CSMD2: variants seen among roughly 807,000 people sequenced by gnomAD.
CSMD2 encodes the protein CUB and sushi domain-containing protein 2.
In CSMD2, 130 loss-of-function variants were observed where a neutral mutation model predicts 398.5. The observed-to-expected ratio is 0.33, with a 90% CI of 0.28 to 0.38. CSMD2 has a LOEUF of 0.38. Among genes scored for constraint, CSMD2 ranks in the 10% least tolerant of loss-of-function variants. The pLI, the probability that CSMD2 is intolerant of heterozygous loss-of-function variation, is 1.00. For synonymous variants in CSMD2, 1,828 were observed against 1,908.5 expected (o/e 0.96, Z 1.10); for missense variants, 3,829 against 4,764.9 (o/e 0.80, Z 5.78).
chr1:33,649,578 G>A (rs1441186763), intron 28 of CSMD2, among the ~76,000 whole-genome samples: 2 of 152,132 alleles, frequency 1.3e-5, no homozygotes, highest in African/African-American at 4.8e-5. Flanking sequence ...CAGGAAGGAA[G>A]GGTTGCAGTG....
intron 68 of CSMD2, among the ~76,000 whole-genome samples, chr1:33,520,807 C>G (rs1312565371): frequency 6.6e-6 from 1 of 152,222 alleles, no homozygotes; most frequent in Non-Finnish European, 1.5e-5. Flanking sequence ...TACAGAGAGG[C>G]TGTCACGCAC....
intron 68 of CSMD2, 151 bp from the exon 69 acceptor site, chr1:33,520,101 G>T (rs1654131043): frequency 2.4e-6 from 2 of 840,616 alleles, no homozygotes; most frequent in South Asian, 1.7e-5. Context: ...TGTGCCCAGG[G>T]CTGCCCGCCT....
intron 58 of CSMD2, among the ~76,000 whole-genome samples, 166 bp from the exon 59 acceptor site, chr1:33,541,475 C>CT (rs965866453): frequency 4.6e-5 from 7 of 151,686 alleles, no homozygotes; most frequent in African/African-American, 1.2e-4. Context: ...TTCTAAATTT[C>CT]TTTTTTTTTA....
rs187228867 is a variant in CSMD2 at position 33,575,880 on chromosome 1, G to A, written c.7576+1416C>T. On this transcript the variant is annotated intron_variant, in intron 49 of 70. Coordinates refer to ENST00000373381, the MANE Select transcript of CSMD2 (RefSeq NM_001281956.2). ...AAGGTTGTGAGGATTAGAGATGAGA[G>A]ATGTCATTAAAAAGTACTTCACCAC... is the stretch of plus-strand genomic sequence containing the variant. Among the ~76,000 whole-genome samples the A allele has an allele frequency of 1.1e-3, 169 of 152,252 alleles. 1 individual carries two copies. Among genetic ancestry groups the A allele is most frequent in the African/African-American group, 3.9e-3 (162 of 41,528 alleles).
At chr1:33,981,268 C>A (rs1029333196) in intron 3 of CSMD2, among the ~76,000 whole-genome samples, 1 of 152,202 alleles carries the variant, frequency 6.6e-6, no homozygotes, top group Non-Finnish European at 1.5e-5. Context: ...AGGCCTTATC[C>A]TCAGGAGTGT....
intron 19 of CSMD2, among the ~76,000 whole-genome samples, chr1:33,719,242 T>C (rs1375069523): frequency 1.3e-5 from 2 of 152,172 alleles, no homozygotes; most frequent in Non-Finnish European, 2.9e-5. Flanking sequence ...GCTTAGGAAA[T>C]ATACGTCCTT....
intron 1 of CSMD2, among the ~76,000 whole-genome samples, chr1:34,147,428 C>T (rs1217674891): frequency 2.0e-5 from 3 of 150,292 alleles, no homozygotes; most frequent in Non-Finnish European, 4.4e-5. Context: ...GGTCAGGAAG[C>T]TTGGCTGTGG....
At chr1:33,617,136 G>A (rs1023616998) in intron 38 of CSMD2, among the ~76,000 whole-genome samples, 161 bp from the exon 39 acceptor site, 2 of 152,230 alleles carry the variant, frequency 1.3e-5, no homozygotes, top group Non-Finnish European at 2.9e-5. Flanking sequence ...GGTAGAGGGA[G>A]AGAGAATTTG....
chr1:33,541,363 C>T (rs1656322172), intron 58 of CSMD2, 54 bp from the exon 59 acceptor site: 3 of 1,355,356 alleles, frequency 2.2e-6, no homozygotes, highest in Non-Finnish European at 2.1e-6. Context: ...CCCACTTCTC[C>T]TCCAATACCA....
chr1:34,156,652 T>C (rs765625474), intron 1 of CSMD2, among the ~76,000 whole-genome samples: 2 of 152,322 alleles, frequency 1.3e-5, no homozygotes, highest in Middle Eastern at 3.4e-3. Context: ...CATTAGCAGG[T>C]AGGAAGGCTA....
intron 5 of CSMD2, among the ~76,000 whole-genome samples, chr1:33,878,527 C>T (rs1033652197): frequency 2.0e-5 from 3 of 152,272 alleles, no homozygotes; most frequent in African/African-American, 7.2e-5. Flanking sequence ...TGACACAGCA[C>T]AGCCATCTGC....
intron 2 of CSMD2, among the ~76,000 whole-genome samples, chr1:34,073,273 G>C (rs1341341709): frequency 1.3e-5 from 2 of 152,252 alleles, no homozygotes. Flanking sequence ...CTGATGTTAG[G>C]GGTTTGATAA....
In CSMD2 at chr1:33,777,042, G is replaced by C. The variant is rs923628897; in HGVS notation, c.1664-4291C>G. On this transcript the variant is annotated intron_variant, in intron 12 of 70. Coordinates refer to ENST00000373381, the MANE Select transcript of CSMD2 (RefSeq NM_001281956.2). ...TCAGTGACAGTGATGAGGAGGGGTAGAAAGTGTCAGAGCTGAAGACAGCAT... is the reference window on the plus strand; with the variant it reads ...TCAGTGACAGTGATGAGGAGGGGTACAAAGTGTCAGAGCTGAAGACAGCAT... 1.3e-4 allele frequency among the ~76,000 whole-genome samples: 20 copies of C among 152,104 alleles called. 1 individual carries two copies. Among genetic ancestry groups the C allele is most frequent in the Admixed American group, 1.0e-3 (16 of 15,266 alleles).
intron 49 of CSMD2, among the ~76,000 whole-genome samples, chr1:33,573,597 GA>G (rs1193366747): frequency 1.3e-5 from 2 of 151,464 alleles, no homozygotes; most frequent in African/African-American, 2.4e-5. Context: ...GATTAGAGAT[GA>G]AAAGTAAATT....
At chr1:33,980,062 C>CT (rs1343786785) in intron 3 of CSMD2, among the ~76,000 whole-genome samples, 4 of 152,204 alleles carry the variant, frequency 2.6e-5, no homozygotes, top group Admixed American at 1.3e-4. Flanking sequence ...AGAGCCTTCA[C>CT]TGTGGACCCT....
At chr1:34,103,016 T>C (rs1029277916) in intron 1 of CSMD2, among the ~76,000 whole-genome samples, 6 of 152,178 alleles carry the variant, frequency 3.9e-5, no homozygotes, top group African/African-American at 7.2e-5. Flanking sequence ...TGGTACATAA[T>C]AGATGCTCAC....
At chr1:33,679,002 G>A (rs1283241317) in intron 25 of CSMD2, among the ~76,000 whole-genome samples, 2 of 152,064 alleles carry the variant, frequency 1.3e-5, no homozygotes, top group South Asian at 2.1e-4. Flanking sequence ...GGTGACCTCC[G>A]GCCAGCTGCC....
chr1:33,938,363 GCTTA>G (rs1644546157), intron 3 of CSMD2, among the ~76,000 whole-genome samples: 1 of 151,508 alleles, frequency 6.6e-6, no homozygotes, highest in Admixed American at 6.6e-5. Flanking sequence ...ACTGCTGCTG[GCTTA>G]CTTGGCATTT....
rs1320410853 is a variant in CSMD2 at position 33,633,688 on chromosome 1, A to G, written c.5087-153T>C. Among the ~76,000 whole-genome samples, 1 of 152,170 alleles carries G rather than the reference A, an allele frequency of 6.6e-6. No homozygotes were observed. The highest frequency in any genetic ancestry group is 2.4e-5 in the African/African-American group (1 of 41,438). On this transcript the variant is annotated intron_variant, in intron 31 of 70. Transcript: ENST00000373381. This position sits in a 1 kb window ranked among gnomAD's most constrained non-coding sequence, Gnocchi z 5.0. The stretch of plus-strand genomic sequence containing the variant: ...TTGCTGCACTGGTTAGTGCAGTGGC[A>G]CAGTCTGGCAGTGGCCAGACACCCG...
Sources: gnomAD v4.1 joint callset for allele counts (sites outside exome capture counted in the v4.1 genomes callset) on GRCh38, gnomAD v4.1.1 for gene constraint, Gnocchi (gnomAD v3.1) non-coding constraint, MANE v1.5 for transcripts, NCBI Gene and HGNC (gene_info 2026-07-23, HGNC 2026-07-21) for gene names.